The following TSBP1 variants were observed in gnomAD, a reference collection of about 807,000 sequenced individuals.
TSBP1 encodes the protein testis expressed basic protein 1, also known as testis-expressed basic protein 1.
Under a neutral mutation model 68.8 loss-of-function variants are expected in TSBP1, and 56 were observed. That is an observed-to-expected ratio of 0.81 (90% confidence interval 0.66 to 1.02). TSBP1 has a LOEUF of 1.02. Among genes scored for constraint, TSBP1 ranks in the 50% least tolerant of loss-of-function variants. TSBP1 has a pLI of 0.00. For synonymous variants in TSBP1, 171 were observed against 208.7 expected (o/e 0.82, Z 1.56); for missense variants, 502 against 641.2 (o/e 0.78, Z 2.34).
rs1388557622 is a variant in TSBP1, at chr6:32,338,304, C to T, written c.409+675G>A. Among the ~76,000 whole-genome samples the T allele has an allele frequency of 6.6e-6, 1 of 152,118 alleles. No homozygotes were observed. The highest frequency in any genetic ancestry group is 1.5e-5 in the Non-Finnish European group (1 of 68,016). ...CTGAGACTCTGCATATCTAAAACTCCAGGGTGACGTTGATGCAGGCCCTTG... is the reference window on the plus strand; with the variant it reads ...CTGAGACTCTGCATATCTAAAACTCTAGGGTGACGTTGATGCAGGCCCTTG... On this transcript the variant is annotated intron_variant, in intron 11 of 22. Transcript: ENST00000612031. This position sits in a 1 kb window ranked among gnomAD's most constrained non-coding sequence, Gnocchi z 5.5.
At position 32,369,888 on chromosome 6, in the gene TSBP1, A is replaced by T. The variant is rs775637897; in HGVS notation, c.100+9T>A. On this transcript the variant is annotated intron_variant, in intron 2 of 22. Coordinates refer to ENST00000612031, the Ensembl canonical transcript of TSBP1. ...CAGGAAATCTTCATTTTGACTCATT[A>T]TTACTCACCACTTTGCTTACATCGT... is the stretch of plus-strand genomic sequence containing the variant. The T allele has an allele frequency of 6.5e-7, 1 of 1,543,604 alleles. No individual in the cohort carries two copies. Among genetic ancestry groups the T allele is most frequent in the Non-Finnish European group, 9.0e-7 (1 of 1,116,770 alleles).
chr6:32,316,409 G>T lies in TSBP1; in HGVS notation c.560-617C>A. On this transcript the variant is annotated intron_variant, in intron 18 of 22. Transcript: ENST00000612031. The surrounding 1 kb of genome is among the most constrained non-coding windows in gnomAD (Gnocchi z 4.5). The stretch of plus-strand genomic sequence containing the variant: ...TAATACTTACTTATAGGTGCTGCCA[G>T]CTGACCTAAAAAAATTAGATATCAG... 1 of 1,558,896 alleles carries T rather than the reference G, an allele frequency of 6.4e-7. No homozygotes were observed. The highest frequency in any genetic ancestry group is 8.7e-7 in the Non-Finnish European group (1 of 1,150,264).
At chr6:32,339,056 C>A in intron 10 of TSBP1, 57 bp from the exon 12 acceptor site, 1 of 1,435,092 alleles carries the variant, frequency 7.0e-7, no homozygotes, top group Non-Finnish European at 9.8e-7. Context: ...GGGTGTTTAT[C>A]TCAGGGAGTT....
intron 19 of TSBP1, among the ~76,000 whole-genome samples, chr6:32,307,778 GTTT>G (rs9279569): frequency 6.8e-6 from 1 of 146,562 alleles, no homozygotes; most frequent in Non-Finnish European, 1.5e-5. Context: ...TAATTGCCTG[GTTT>G]TTTTTTTTTT....
intron 22 of TSBP1, among the ~76,000 whole-genome samples, chr6:32,296,418 C>G (rs1335700461): frequency 6.6e-6 from 1 of 151,812 alleles, no homozygotes; most frequent in Non-Finnish European, 1.5e-5. Flanking sequence ...TGTATATGTC[C>G]CCACCTAGAG....
At position 32,314,088 on chromosome 6, in the gene TSBP1, T is replaced by C. The variant is rs1265358056; in HGVS notation, c.580+1684A>G. Among the ~76,000 whole-genome samples the C allele has an allele frequency of 6.6e-6, 1 of 152,194 alleles. No homozygotes were observed. The highest frequency in any genetic ancestry group is 1.5e-5 in the Non-Finnish European group (1 of 68,024). On this transcript the variant is annotated intron_variant, in intron 19 of 22. Coordinates refer to ENST00000612031, the Ensembl canonical transcript of TSBP1. The surrounding 1 kb of genome is among the most constrained non-coding windows in gnomAD (Gnocchi z 4.2). ...ACCATTCCTCCCAAGAGCTTAACTT[T>C]AGCTTTCCTTTCTTTATATGTGTTC... is the stretch of plus-strand genomic sequence containing the variant.
At chr6:32,368,736 T>C in intron 3 of TSBP1, 46 bp downstream of exon 3, 1 of 1,514,044 alleles carries the variant, frequency 6.6e-7, no homozygotes, top group Non-Finnish European at 9.0e-7. Context: ...CTTGTGAAAA[T>C]TCTATAAGTA....
At chr6:32,322,393 A>G in intron 18 of TSBP1, 93 bp downstream of exon 20, 3 of 924,712 alleles carry the variant, frequency 3.2e-6, no homozygotes, top group Non-Finnish European at 3.5e-6. Context: ...TGTAGAAGCA[A>G]ATGAATATGA....
intron 22 of TSBP1, among the ~76,000 whole-genome samples, chr6:32,299,572 C>T (rs1765073673): frequency 1.3e-5 from 2 of 152,094 alleles, no homozygotes; most frequent in Non-Finnish European, 2.9e-5. Flanking sequence ...GATTGTGGCA[C>T]CCTTTCATAT....
At chr6:32,363,217 A>C (rs1309408801) in intron 6 of TSBP1, among the ~76,000 whole-genome samples, 1 of 151,978 alleles carries the variant, frequency 6.6e-6, no homozygotes. Context: ...ATTTGCATGG[A>C]GCATCTTCTT....
At chr6:32,348,451 T>C (rs1771310624) in intron 9 of TSBP1, among the ~76,000 whole-genome samples, 1 of 152,236 alleles carries the variant, frequency 6.6e-6, no homozygotes, top group Admixed American at 6.5e-5. Context: ...CAGTATTGGA[T>C]TAGCACACTA....
rs1237254335 is a variant in TSBP1 at position 32,357,843 on chromosome 6, GAGA to G, written c.218-2177_218-2175del. 2.3e-5 allele frequency among the ~76,000 whole-genome samples: 2 copies of G among 86,170 alleles called. No homozygotes were observed. The highest frequency in any genetic ancestry group is 4.4e-5 in the Non-Finnish European group (2 of 45,000). The allele number at this position is 86,170 out of a possible 152,430, so 56.5% of individuals were successfully genotyped here. A position where few individuals can be genotyped will look rare whatever the true frequency, so the allele number is the denominator to read the frequency against. The stretch of plus-strand genomic sequence containing the variant: ...CTTGGGTTTTAGACATGCTAAGAGT[GAGA>G]TGCCTTTCATATATCTTCAGGACAC... On this transcript the variant is annotated intron_variant, in intron 6 of 22. Coordinates refer to ENST00000612031, the Ensembl canonical transcript of TSBP1. The surrounding 1 kb of genome is among the most constrained non-coding windows in gnomAD (Gnocchi z 4.7).
intron 18 of TSBP1, among the ~76,000 whole-genome samples, chr6:32,317,094 C>G (rs1275161390): frequency 6.6e-6 from 1 of 151,958 alleles, no homozygotes; most frequent in Non-Finnish European, 1.5e-5. Context: ...CAGTATGGCA[C>G]TAGTAGGAAA....
chr6:32,300,225 A>G (rs867106854), intron 21 of TSBP1, among the ~76,000 whole-genome samples: 1 of 152,166 alleles, frequency 6.6e-6, no homozygotes, highest in African/African-American at 2.4e-5. Flanking sequence ...TTGTTCTTTG[A>G]TAAGTCTTTC....
chr6:32,339,052 T>G, intron 10 of TSBP1, 53 bp from the exon 12 acceptor site: 1 of 1,484,660 alleles, frequency 6.7e-7, no homozygotes. Context: ...TCAAGGGTGT[T>G]TATCTCAGGG....
chr6:32,356,794 C>G (rs968154496), intron 6 of TSBP1: 2 of 154,034 alleles, frequency 1.3e-5, no homozygotes, highest in African/African-American at 4.8e-5. Flanking sequence ...CACTGAAATG[C>G]CGAACATTTT....
chr6:32,319,583 C>G (rs1289049186), intron 18 of TSBP1, among the ~76,000 whole-genome samples: 1 of 152,008 alleles, frequency 6.6e-6, no homozygotes, highest in East Asian at 1.9e-4. Flanking sequence ...CCTGCTCTGC[C>G]TCCTTCTTTC....
chr6:32,295,349 CAAAAA>C (rs3038432), intron 22 of TSBP1, among the ~76,000 whole-genome samples: 13,742 of 91,228 alleles, frequency 0.15, 1,096 homozygotes, highest in African/African-American at 0.25. Context: ...CACACACACA[CAAAAA>C]AAAAAAAAAA....
chr6:32,330,097 A>C (rs1353309852), intron 16 of TSBP1, among the ~76,000 whole-genome samples: 1 of 152,204 alleles, frequency 6.6e-6, no homozygotes, highest in Non-Finnish European at 1.5e-5. Context: ...ATAGGACATG[A>C]GGAAAGAGAA....
Sources: allele counts gnomAD v4.1 joint callset (sites outside exome capture counted in the v4.1 genomes callset), GRCh38; gene constraint gnomAD v4.1.1; non-coding constraint Gnocchi (gnomAD v3.1); transcripts MANE v1.5; gene names NCBI Gene and HGNC (gene_info 2026-07-23, HGNC 2026-07-21).